The following ST8SIA5 variants were observed in gnomAD, a reference collection of about 807,000 sequenced individuals.
ST8SIA5 encodes the protein alpha-2,8-sialyltransferase 8E.
Under a neutral mutation model 40.2 loss-of-function variants are expected in ST8SIA5, and 24 were observed. The ratio of observed to expected loss-of-function variants is 0.60; its 90% CI spans 0.43 to 0.84. The LOEUF is 0.84. Ranked by LOEUF, ST8SIA5 falls within the 40% of genes least tolerant of loss-of-function variation. ST8SIA5 has a pLI of 0.00. For missense variants in ST8SIA5, 465 were observed against 498.5 expected (o/e 0.93, Z 0.64); for synonymous variants, 198 against 201.8 (o/e 0.98, Z 0.16).
chr18:46,727,732 G>A (rs1485238654), intron 1 of ST8SIA5, among the ~76,000 whole-genome samples: 2 of 152,156 alleles, frequency 1.3e-5, no homozygotes, highest in African/African-American at 2.4e-5. Context: ...GTGAAGAGCA[G>A]AGAAAGTATT....
intron 1 of ST8SIA5, among the ~76,000 whole-genome samples, chr18:46,752,225 G>A (rs1032907968): frequency 6.6e-6 from 1 of 152,004 alleles, no homozygotes; most frequent in African/African-American, 2.4e-5. Flanking sequence ...CATGTACCTT[G>A]AAACACAGTG....
chr18:46,679,954 C>A lies in ST8SIA5; in HGVS notation c.*88G>T. On this transcript the variant is annotated 3_prime_UTR_variant, in exon 7 of 7. Coordinates refer to ENST00000315087, the MANE Select transcript of ST8SIA5 (RefSeq NM_013305.6). Reference sequence around the variant, plus strand: ...AGAGACAGCCTGAACGCCAGGACCCCACGCTGCCCGGTTCGGGGCTCCCAG... The same window carrying A: ...AGAGACAGCCTGAACGCCAGGACCCAACGCTGCCCGGTTCGGGGCTCCCAG... 1 of 1,293,532 alleles carries A rather than the reference C, an allele frequency of 7.7e-7. No homozygotes were observed. Among genetic ancestry groups the A allele is most frequent in the Non-Finnish European group, 1.1e-6 (1 of 947,874 alleles). 80.1% of individuals were successfully genotyped at this position (1,293,532 alleles called of 1,614,324 possible).
chr18:46,707,776 C>T (rs2039683941), intron 1 of ST8SIA5, among the ~76,000 whole-genome samples: 1 of 152,164 alleles, frequency 6.6e-6, no homozygotes, highest in South Asian at 2.1e-4. Flanking sequence ...ATTGCCCTTA[C>T]AAAAGAGGCC....
chr18:46,756,680 C>G lies in ST8SIA5; in HGVS notation c.-172G>C, dbSNP rs1011336306. 9.6e-6 allele frequency: 7 copies of G among 728,510 alleles called. No homozygotes were observed. Among genetic ancestry groups the G allele is most frequent in the Non-Finnish European group, 1.5e-5 (7 of 470,122 alleles). The allele number at this position is 728,510 out of a possible 1,614,324, so 45.1% of individuals were successfully genotyped here. On this transcript the variant is annotated 5_prime_UTR_variant, in exon 1 of 7. Transcript: ENST00000315087. ...TTGGCGCGGCCGGAGCTGGGGGCAT[C>G]CAAGCGTCGCAGGCGCTGGGGCGGC...
intron 2 of ST8SIA5, among the ~76,000 whole-genome samples, chr18:46,695,997 G>A (rs1340039959): frequency 6.6e-6 from 1 of 152,246 alleles, no homozygotes; most frequent in East Asian, 1.9e-4. Context: ...AGGAAGGAAA[G>A]TGAAGCAGGT....
chr18:46,743,559 A>C (rs1030993803), intron 1 of ST8SIA5, among the ~76,000 whole-genome samples: 1 of 152,210 alleles, frequency 6.6e-6, no homozygotes, highest in Non-Finnish European at 1.5e-5. Flanking sequence ...GAAATATGGG[A>C]CTATGTGAAA....
intron 1 of ST8SIA5, among the ~76,000 whole-genome samples, chr18:46,712,640 T>G (rs2039744754): frequency 6.6e-6 from 1 of 152,156 alleles, no homozygotes. Flanking sequence ...TCTGCGCTGT[T>G]GATGCGTGAG....
At chr18:46,715,733 C>T (rs2039781986) in intron 1 of ST8SIA5, among the ~76,000 whole-genome samples, 2 of 152,104 alleles carry the variant, frequency 1.3e-5, no homozygotes, top group South Asian at 4.2e-4. Context: ...GCATGCACCA[C>T]CATGTCTAGC....
At chr18:46,715,301 C>T (rs1425971534) in intron 1 of ST8SIA5, among the ~76,000 whole-genome samples, 3 of 152,186 alleles carry the variant, frequency 2.0e-5, no homozygotes, top group African/African-American at 4.8e-5. Context: ...CGATGGCATT[C>T]GGGACTGCAG....
chr18:46,751,922 C>T (rs192898065), intron 1 of ST8SIA5, among the ~76,000 whole-genome samples: 9 of 152,246 alleles, frequency 5.9e-5, no homozygotes, highest in African/African-American at 7.2e-5. Flanking sequence ...CTCTTCCCAA[C>T]GCAGTTCTGG....
Position 46,732,126 on chromosome 18 carries a change from C to G in ST8SIA5, c.131+24252G>C, listed in dbSNP as rs1459500468. 2.6e-5 allele frequency among the ~76,000 whole-genome samples: 4 copies of G among 152,228 alleles called. No individual in the cohort carries two copies. In the East Asian group the frequency reaches 7.7e-4, roughly 29 times the overall value. On this transcript the variant is annotated intron_variant, in intron 1 of 6. Coordinates refer to ENST00000315087, the MANE Select transcript of ST8SIA5 (RefSeq NM_013305.6). ...CTTAAAGGTTGCCAATGAATCCAAA[C>G]TTGAAACACTGTGCAGACCAAATAC...
intron 1 of ST8SIA5, among the ~76,000 whole-genome samples, chr18:46,747,953 A>C (rs1378627799): frequency 6.6e-6 from 1 of 152,116 alleles, no homozygotes; most frequent in Non-Finnish European, 1.5e-5. Flanking sequence ...CCATCATTCT[A>C]AGCAAACTAT....
At chr18:46,684,607 C>A (rs1454499827) in intron 5 of ST8SIA5, among the ~76,000 whole-genome samples, 6 of 152,174 alleles carry the variant, frequency 3.9e-5, no homozygotes, top group Non-Finnish European at 1.5e-5. Flanking sequence ...GTGGACAGAA[C>A]CACTATACGC....
At chr18:46,748,935 A>C (rs578039084) in intron 1 of ST8SIA5, among the ~76,000 whole-genome samples, 2 of 152,222 alleles carry the variant, frequency 1.3e-5, no homozygotes, top group Non-Finnish European at 2.9e-5. Flanking sequence ...AAAACTTAAC[A>C]TAACAGTGAA....
rs1239277903 is a variant in ST8SIA5, at chr18:46,757,005, C to T, written c.-497G>A. The T allele has an allele frequency of 6.5e-6, 1 of 154,400 alleles. No individual in the cohort carries two copies. Among genetic ancestry groups the T allele is most frequent in the African/African-American group, 2.4e-5 (1 of 41,458 alleles). The allele number at this position is 154,400 out of a possible 1,614,324, so 9.6% of individuals were successfully genotyped here. A position where few individuals can be genotyped will look rare whatever the true frequency, so the allele number is the denominator to read the frequency against. ...GCCGGGGGCGGGCCACGTTTGATCTCCGGGCCCGCAGCAAGGGATCGCGAA... is the reference window on the plus strand; with the variant it reads ...GCCGGGGGCGGGCCACGTTTGATCTTCGGGCCCGCAGCAAGGGATCGCGAA... On this transcript the variant is annotated 5_prime_UTR_variant, in exon 1 of 7. Transcript: ENST00000315087.
intron 1 of ST8SIA5, among the ~76,000 whole-genome samples, chr18:46,727,819 G>A (rs559524642): frequency 6.6e-6 from 1 of 151,680 alleles, no homozygotes; most frequent in Non-Finnish European, 1.5e-5. Flanking sequence ...TCTTTTTTGG[G>A]GAAAAAAAGA....
intron 5 of ST8SIA5, among the ~76,000 whole-genome samples, chr18:46,685,504 C>A (rs1006455097): frequency 1.3e-5 from 2 of 152,132 alleles, no homozygotes; most frequent in Non-Finnish European, 2.9e-5. Flanking sequence ...AGCCAAGAAC[C>A]CGAAATATGC....
intron 1 of ST8SIA5, among the ~76,000 whole-genome samples, chr18:46,705,881 G>C (rs1388387286): frequency 6.6e-6 from 1 of 152,248 alleles, no homozygotes; most frequent in African/African-American, 2.4e-5. Context: ...CATCGCTCAA[G>C]CATCTCCCAG....
chr18:46,698,453 G>A (rs514285), intron 2 of ST8SIA5, among the ~76,000 whole-genome samples: 52,409 of 144,390 alleles, frequency 0.36, 9,227 homozygotes, highest in Middle Eastern at 0.51. Flanking sequence ...TTAAACCAAC[G>A]ATCCAACAAC....
Sources: gnomAD v4.1 joint callset for allele counts (sites outside exome capture counted in the v4.1 genomes callset) on GRCh38, gnomAD v4.1.1 for gene constraint, MANE v1.5 for transcripts, NCBI Gene and HGNC (gene_info 2026-07-23, HGNC 2026-07-21) for gene names.